The following DNM3 variants were observed in gnomAD, a reference collection of about 807,000 sequenced individuals.
DNM3 encodes dynamin 3, also known as dynamin-3.
In DNM3, 47 loss-of-function variants were observed where a neutral mutation model predicts 101.6. The observed-to-expected ratio is 0.46, with a 90% CI of 0.37 to 0.59. The LOEUF is 0.59. DNM3 is among the 20% of genes least tolerant of loss of function. The probability of loss-of-function intolerance (pLI) is 0.00; values close to 1 mark genes in which losing one functional copy is unlikely to be tolerated. For missense variants in DNM3, 849 were observed against 1,085.7 expected (o/e 0.78, Z 3.06); for synonymous variants, 385 against 387.9 (o/e 0.99, Z 0.09).
At chr1:172,098,811 T>G (rs2054431792) in intron 13 of DNM3, among the ~76,000 whole-genome samples, 1 of 152,182 alleles carries the variant, frequency 6.6e-6, no homozygotes, top group Admixed American at 6.5e-5. Context: ...CCGCAACAAG[T>G]GGTAGAACAA....
At chr1:171,889,657 A>C (rs2037088616) in intron 1 of DNM3, among the ~76,000 whole-genome samples, 1 of 152,200 alleles carries the variant, frequency 6.6e-6, no homozygotes, top group Non-Finnish European at 1.5e-5. Flanking sequence ...AAGTTTTTGA[A>C]AAGGTTAAGG....
intron 15 of DNM3, among the ~76,000 whole-genome samples, chr1:172,282,887 T>C (rs2063543183): frequency 6.6e-6 from 1 of 152,208 alleles, no homozygotes; most frequent in Admixed American, 6.5e-5. Context: ...ATGGACAGCT[T>C]ATGTGACTGT....
At chr1:172,033,521 G>T (rs75874321) in intron 6 of DNM3, among the ~76,000 whole-genome samples, 1 of 151,826 alleles carries the variant, frequency 6.6e-6, no homozygotes, top group Non-Finnish European at 1.5e-5. Context: ...CAGTGAACAG[G>T]GATATACATT....
At chr1:172,007,459 C>A (rs2046774012) in intron 4 of DNM3, among the ~76,000 whole-genome samples, 1 of 152,072 alleles carries the variant, frequency 6.6e-6, no homozygotes, top group South Asian at 2.1e-4. Context: ...CTGTTCAAAT[C>A]TTTTGCCTAT....
intron 17 of DNM3, among the ~76,000 whole-genome samples, chr1:172,349,345 A>G (rs1365204535): frequency 6.6e-6 from 1 of 152,198 alleles, no homozygotes; most frequent in Non-Finnish European, 1.5e-5. Flanking sequence ...AGAAAATGAA[A>G]TCCATAAAGC....
At chr1:172,362,450 C>G (rs1490064178) in intron 17 of DNM3, among the ~76,000 whole-genome samples, 1 of 150,380 alleles carries the variant, frequency 6.6e-6, no homozygotes, top group East Asian at 2.0e-4. Flanking sequence ...TTGGGAATAG[C>G]AAAAGGTCTG....
chr1:172,167,821 T>C (rs190303386), intron 14 of DNM3, among the ~76,000 whole-genome samples: 1 of 152,166 alleles, frequency 6.6e-6, no homozygotes, highest in East Asian at 1.9e-4. Context: ...GCAGTCACAA[T>C]TATTTAGTTC....
intron 2 of DNM3, among the ~76,000 whole-genome samples, chr1:171,946,045 C>T (rs778912190): frequency 1.8e-4 from 28 of 152,102 alleles, no homozygotes; most frequent in Non-Finnish European, 3.4e-4. Flanking sequence ...GCAAGACCTG[C>T]AGTTTTAATT....
intron 17 of DNM3, among the ~76,000 whole-genome samples, chr1:172,335,312 T>C (rs1189795898): frequency 1.3e-5 from 2 of 152,202 alleles, no homozygotes; most frequent in African/African-American, 4.8e-5. Flanking sequence ...TTTGATTTTC[T>C]TCAAATATGA....
intron 17 of DNM3, among the ~76,000 whole-genome samples, chr1:172,328,491 G>A (rs2066035267): frequency 6.6e-6 from 1 of 152,176 alleles, no homozygotes; most frequent in Non-Finnish European, 1.5e-5. Context: ...GGATGGAGCT[G>A]GAGGCCGTTA....
chr1:172,054,996 G>A (rs566642396), intron 10 of DNM3, among the ~76,000 whole-genome samples: 2 of 115,850 alleles, frequency 1.7e-5, no homozygotes, highest in South Asian at 5.4e-4. Context: ...AGAAATACAG[G>A]GAAAGATTTT....
rs969162944 is a variant in DNM3, at chr1:172,412,620, A to ATCTC, written c.*4780_*4783dup. 18 of 985,744 alleles carry ATCTC rather than the reference A, an allele frequency of 1.8e-5. No homozygotes were observed. The African/African-American group carries it at 2.8e-4, about 15-fold the overall frequency. The allele number at this position is 985,744 out of a possible 1,614,324, so 61.1% of individuals were successfully genotyped here. ...CTTAGAATGGAATTTTTGAAGAAAA[A>ATCTC]TCTCAAAGCCTGTATCGTTCTTGAA... On this transcript the variant is annotated 3_prime_UTR_variant, in exon 21 of 21. Transcript: ENST00000627582.
chr1:171,941,695 AG>A (rs1352594433), intron 2 of DNM3, among the ~76,000 whole-genome samples: 4 of 152,216 alleles, frequency 2.6e-5, no homozygotes, highest in African/African-American at 7.2e-5. Context: ...CCTTGTTCAT[AG>A]TATCCCTACT....
At position 172,332,423 on chromosome 1, in the gene DNM3, C is replaced by T. The variant is rs528445544; in HGVS notation, c.1893+9083C>T. 2.8e-4 allele frequency among the ~76,000 whole-genome samples: 43 copies of T among 152,252 alleles called. No homozygotes were observed. In the South Asian group the frequency reaches 8.5e-3, roughly 30 times the overall value. On this transcript the variant is annotated intron_variant, in intron 17 of 20. Transcript: ENST00000627582. Reference sequence around the variant, plus strand: ...CTTCTGAGGTAAAGCAATTCTCCTGCCCCAGCATCCTGAGTAGCTGGGACT... The same window carrying T: ...CTTCTGAGGTAAAGCAATTCTCCTGTCCCAGCATCCTGAGTAGCTGGGACT...
intron 15 of DNM3, among the ~76,000 whole-genome samples, chr1:172,299,574 C>G (rs2064337064): frequency 6.6e-6 from 1 of 151,972 alleles, no homozygotes; most frequent in Non-Finnish European, 1.5e-5. Context: ...GTCTATTGTT[C>G]CCAACTTTGT....
At chr1:172,132,771 C>T (rs1270767581) in intron 14 of DNM3, 1 of 635,766 alleles carries the variant, frequency 1.6e-6, no homozygotes, top group African/African-American at 1.8e-5. Context: ...TTAATTAACT[C>T]ATTTAACCAT....
chr1:171,934,780 G>A (rs1210199241), intron 2 of DNM3, among the ~76,000 whole-genome samples: 1 of 152,160 alleles, frequency 6.6e-6, no homozygotes, highest in Non-Finnish European at 1.5e-5. Flanking sequence ...CATAACCCTA[G>A]AAAGTCTTAT....
chr1:172,135,693 C>G (rs2148113691), intron 14 of DNM3, among the ~76,000 whole-genome samples: 1 of 151,828 alleles, frequency 6.6e-6, no homozygotes, highest in East Asian at 1.9e-4. Context: ...ACTGTCATTT[C>G]AAAAGTTTTT....
intron 13 of DNM3, 91 bp downstream of exon 13, chr1:172,092,966 C>A: frequency 4.0e-6 from 5 of 1,259,478 alleles, no homozygotes; most frequent in Non-Finnish European, 5.4e-6. Context: ...GCAAATTAAT[C>A]ACGTGCAAAT....
Sources: allele counts gnomAD v4.1 joint callset (sites outside exome capture counted in the v4.1 genomes callset), GRCh38; gene constraint gnomAD v4.1.1; transcripts MANE v1.5; gene names NCBI Gene and HGNC (gene_info 2026-07-23, HGNC 2026-07-21).